The following TUSC3 variants were observed in gnomAD, a reference collection of about 807,000 sequenced individuals.
TUSC3 encodes the protein dolichyl-diphosphooligosaccharide--protein glycosyltransferase subunit TUSC3.
TUSC3 carries 45 observed loss-of-function variants against 44.8 expected under a neutral mutation model. That is an observed-to-expected ratio of 1.00 (90% CI 0.79 to 1.29). The LOEUF (loss-of-function observed/expected upper bound fraction) is 1.29, where lower values mean the gene tolerates loss of function less well. TUSC3 is among the 50% of genes most tolerant of loss of function. The probability of loss-of-function intolerance (pLI) is 0.00; values close to 1 mark genes in which losing one functional copy is unlikely to be tolerated. For missense variants in TUSC3, 519 were observed against 437.9 expected (o/e 1.19, Z -1.65); for synonymous variants, 212 against 152.9 (o/e 1.39, Z -2.85).
the TUSC3 span, among the ~76,000 whole-genome samples, chr8:15,825,818 C>A: frequency 1.3e-5 from 2 of 150,078 alleles, no homozygotes; most frequent in East Asian, 2.0e-4. Flanking sequence ...TAAGTTAATT[C>A]TCTTAACTGT....
At chr8:15,555,813 T>C (rs1445872286) in intron 1 of TUSC3, among the ~76,000 whole-genome samples, 1 of 151,472 alleles carries the variant, frequency 6.6e-6, no homozygotes. Flanking sequence ...TTAGAAGTAT[T>C]AACTTTAGGT....
chr8:15,637,887 T>A (rs1160476078), intron 2 of TUSC3, among the ~76,000 whole-genome samples: 1 of 152,132 alleles, frequency 6.6e-6, no homozygotes, highest in Non-Finnish European at 1.5e-5. Context: ...GATTCTGAAA[T>A]AATTTATGTT....
At position 15,566,233 on chromosome 8, in the gene TUSC3, A is replaced by G. The variant is rs560884513; in HGVS notation, c.138+25665A>G. ...ATGACTAGACTAAAACATAGAATTC[A>G]GAAGCCATTCTTTAGTAGTATGTTC... On this transcript the variant is annotated intron_variant, in intron 1 of 10. Coordinates refer to ENST00000503731, the MANE Select transcript of TUSC3 (RefSeq NM_006765.4). Among the ~76,000 whole-genome samples the G allele has an allele frequency of 2.6e-5, 4 of 152,304 alleles. No individual in the cohort carries two copies. In the South Asian group the frequency reaches 8.3e-4, roughly 32 times the overall value.
At chr8:15,440,915 A>G (rs1006223064) in intron 1 of TUSC3, among the ~76,000 whole-genome samples, 1 of 152,226 alleles carries the variant, frequency 6.6e-6, no homozygotes, top group African/African-American at 2.4e-5. Context: ...AGAGGAAACC[A>G]TTGCCAAGTT....
the TUSC3 span, among the ~76,000 whole-genome samples, chr8:15,777,530 CAAG>C: frequency 6.6e-6 from 1 of 151,650 alleles, no homozygotes; most frequent in Non-Finnish European, 1.5e-5. Context: ...GTAGGTAAGA[CAAG>C]AAAGACAAAA....
chr8:15,474,081 C>T (rs1585057987), intron 1 of TUSC3, among the ~76,000 whole-genome samples: 1 of 152,098 alleles, frequency 6.6e-6, no homozygotes, highest in African/African-American at 2.4e-5. Flanking sequence ...ATTAATACTC[C>T]TTGCTAGGAA....
intron 7 of TUSC3, among the ~76,000 whole-genome samples, chr8:15,732,291 G>T (rs1471604829): frequency 2.0e-5 from 3 of 152,238 alleles, no homozygotes; most frequent in African/African-American, 7.2e-5. Context: ...ATTGAATTTT[G>T]GGGGTGGGTT....
chr8:15,738,827 C>CTTTTTTTTTTTTTT (rs375655033), intron 7 of TUSC3, among the ~76,000 whole-genome samples: 5 of 87,202 alleles, frequency 5.7e-5, no homozygotes, highest in African/African-American at 2.4e-4. Flanking sequence ...ATATATCTTG[C>CTTTTTTTTTTTTTT]TTTTTTTTTT....
chr8:15,789,153 T>C, the TUSC3 span, among the ~76,000 whole-genome samples: 3 of 152,208 alleles, frequency 2.0e-5, no homozygotes, highest in Admixed American at 6.5e-5. Flanking sequence ...TAAAAACCTT[T>C]CTGTTTTCTG....
intron 1 of TUSC3, among the ~76,000 whole-genome samples, chr8:15,463,472 C>G (rs888238142): frequency 6.6e-6 from 1 of 152,020 alleles, no homozygotes; most frequent in Admixed American, 6.6e-5. Context: ...ACCTAATAAA[C>G]TCACCTGATT....
At chr8:15,515,570 C>T (rs1665740702) in intron 2 of TUSC3, among the ~76,000 whole-genome samples, 1 of 152,018 alleles carries the variant, frequency 6.6e-6, no homozygotes, top group Non-Finnish European at 1.5e-5. Flanking sequence ...TCAACACCAG[C>T]CTAGAGCAAA....
chr8:15,637,445 T>G (rs1463970937), intron 2 of TUSC3, among the ~76,000 whole-genome samples: 1 of 152,148 alleles, frequency 6.6e-6, no homozygotes, highest in Non-Finnish European at 1.5e-5. Flanking sequence ...TTATTTCTAT[T>G]TCTAGTTGTT....
chr8:15,625,499 A>G (rs765398395), intron 2 of TUSC3, among the ~76,000 whole-genome samples: 2 of 152,244 alleles, frequency 1.3e-5, no homozygotes, highest in Non-Finnish European at 2.9e-5. Flanking sequence ...TATAAATTAC[A>G]TAATCCATTT....
intron 1 of TUSC3, among the ~76,000 whole-genome samples, chr8:15,612,012 T>C (rs1254510046): frequency 1.3e-5 from 2 of 152,196 alleles, no homozygotes; most frequent in African/African-American, 4.8e-5. Flanking sequence ...CTTCTTGTTC[T>C]CTTAGAGACT....
chr8:15,607,168 A>G (rs1036780223), intron 1 of TUSC3, among the ~76,000 whole-genome samples: 3 of 152,022 alleles, frequency 2.0e-5, no homozygotes, highest in Non-Finnish European at 4.4e-5. Flanking sequence ...AACCAAGGAA[A>G]CGTGTGGACC....
At chr8:15,800,391 A>G in the TUSC3 span, among the ~76,000 whole-genome samples, 15,809 of 151,940 alleles carry the variant, frequency 0.1, 1,008 homozygotes, top group South Asian at 0.22. Context: ...TGCGCAACAT[A>G]GTGAAAACCC....
intron 6 of TUSC3, among the ~76,000 whole-genome samples, chr8:15,680,475 A>G (rs531049287): frequency 2.0e-4 from 30 of 152,170 alleles, no homozygotes; most frequent in African/African-American, 7.2e-4. Context: ...GAAATCGTTT[A>G]TAAAGCCTTT....
At chr8:15,714,589 C>T (rs1385294662) in intron 6 of TUSC3, among the ~76,000 whole-genome samples, 1 of 152,142 alleles carries the variant, frequency 6.6e-6, no homozygotes, top group Non-Finnish European at 1.5e-5. Context: ...TATCTTAAAA[C>T]ATCTGGTATT....
intron 1 of TUSC3, among the ~76,000 whole-genome samples, chr8:15,420,970 C>A (rs958599284): frequency 6.6e-6 from 1 of 152,090 alleles, no homozygotes; most frequent in Non-Finnish European, 1.5e-5. Flanking sequence ...ATTTAACACC[C>A]TTTATATGCA....
Sources: gnomAD v4.1 joint callset for allele counts (sites outside exome capture counted in the v4.1 genomes callset) on GRCh38, gnomAD v4.1.1 for gene constraint, MANE v1.5 for transcripts, NCBI Gene and HGNC (gene_info 2026-07-23, HGNC 2026-07-21) for gene names.